CABYR: variants seen among roughly 807,000 people sequenced by gnomAD.
CABYR encodes calcium-binding tyrosine phosphorylation-regulated protein.
CABYR carries 31 observed loss-of-function variants against 36.1 expected under a neutral mutation model. That is an observed-to-expected ratio of 0.86 (90% confidence interval 0.64 to 1.16). The LOEUF is 1.16. Among genes scored for constraint, CABYR ranks in the 50% most tolerant of loss-of-function variants. The pLI is 0.00. For missense variants in CABYR, 429 were observed against 455.8 expected (o/e 0.94, Z 0.53); for synonymous variants, 146 against 160.7 (o/e 0.91, Z 0.69).
intron 3 of CABYR, among the ~76,000 whole-genome samples, chr18:24,145,603 T>C (rs2085440789): frequency 6.6e-6 from 1 of 152,188 alleles, no homozygotes; most frequent in African/African-American, 2.4e-5. Context: ...CCTTGGGTTT[T>C]TGTCCAACTC....
Position 24,159,903 on chromosome 18 carries a change from A to C in CABYR, c.973A>C (p.Arg325=), listed in dbSNP as rs139962200. The C allele has an allele frequency of 1.2e-6, 2 of 1,614,206 alleles. No individual in the cohort carries two copies. The highest frequency in any genetic ancestry group is 1.7e-6 in the Non-Finnish European group (2 of 1,180,032). ...TCCTCCAAGTGGACAAGATGTCCCC[A>C]GGCCAAAAAGCCCTGTTTTCCTTTC... is the stretch of plus-strand genomic sequence containing the variant. ...ANPPSGQDVP[R]PKSPVFLSVA... Residue 325 remains arginine, a synonymous_variant, in exon 5 of 6, where the codon AGG becomes CGG. Transcript: ENST00000399496.
In CABYR at chr18:24,159,523, C is replaced by T. The variant is rs752695725; in HGVS notation, c.593C>T (p.Thr198Ile). 8 of 1,613,928 alleles carry T rather than the reference C, an allele frequency of 5.0e-6. No individual in the cohort carries two copies. The South Asian group carries it at 7.7e-5, about 16-fold the overall frequency. The change falls in exon 5 of 6, where the codon ACC (threonine) becomes ATC (isoleucine). Residue 198 changes from threonine to isoleucine, a missense_variant. By Grantham distance (89) the Thr-to-Ile change is moderately conservative. Coordinates refer to ENST00000399496, the MANE Select transcript of CABYR (RefSeq NM_153769.3). ...GQPPPCSNMW[T>I]LYCLTDKNQQ... The stretch of plus-strand genomic sequence containing the variant: ...CCACCACCATGTTCTAACATGTGGA[C>T]CCTTTATTGTCTAACTGATAAGAAT...
intron 3 of CABYR, 46 bp downstream of exon 3, chr18:24,143,459 T>G: frequency 9.1e-7 from 1 of 1,095,602 alleles, no homozygotes; most frequent in Non-Finnish European, 1.3e-6. Flanking sequence ...TGTTTATTAA[T>G]TATTGCATCA....
chr18:24,147,215 T>G (rs1034659216), intron 3 of CABYR, among the ~76,000 whole-genome samples: 1 of 132,140 alleles, frequency 7.6e-6, no homozygotes, highest in Non-Finnish European at 1.5e-5. Flanking sequence ...ATCACACCAC[T>G]GCACTTCAGC....
chr18:24,151,391 T>TG (rs899335299), intron 3 of CABYR, among the ~76,000 whole-genome samples: 1 of 152,234 alleles, frequency 6.6e-6, no homozygotes, highest in Admixed American at 6.5e-5. Flanking sequence ...AAAGTCATAG[T>TG]GGGTTAATCT....
At chr18:24,149,168 C>T (rs1229505229) in intron 3 of CABYR, among the ~76,000 whole-genome samples, 3 of 151,160 alleles carry the variant, frequency 2.0e-5, no homozygotes, top group Admixed American at 6.6e-5. Flanking sequence ...TACAGAGTGT[C>T]GATTGGTGCA....
In CABYR at chr18:24,159,797, A is replaced by C. The variant is rs753346977; in HGVS notation, c.867A>C (p.Arg289Ser). The C allele has an allele frequency of 6.2e-7, 1 of 1,614,102 alleles. No homozygotes were observed. The highest frequency in any genetic ancestry group is 1.6e-4 in the Middle Eastern group (1 of 6,062). Residue 289 changes from arginine (R) to serine (S), a missense_variant, in exon 5 of 6, where the codon AGA becomes AGC. Physicochemically the swap from Arg to Ser is moderately radical, Grantham distance 110. Coordinates refer to ENST00000399496, the MANE Select transcript of CABYR (RefSeq NM_153769.3). The stretch of plus-strand genomic sequence containing the variant: ...TCGTTTCACAGTCAGATGTCTTGAG[A>C]TATGTTGCAATGCAAGTGCCCATTG... ...HAVVSQSDVL[R>S]YVAMQVPIAV... is the part of the protein sequence containing the mutation.
At chr18:24,139,989 G>T (rs907362699) in intron 1 of CABYR, 2 of 151,172 alleles carry the variant, frequency 1.3e-5, no homozygotes, top group African/African-American at 4.9e-5. Context: ...GAGTGCAGTG[G>T]CGCGATCTCG....
rs142414980 is a variant in CABYR, at chr18:24,157,674, T to C, written c.541+1632T>C. Among the ~76,000 whole-genome samples the C allele has an allele frequency of 2.6e-4, 39 of 152,336 alleles. 1 individual carries two copies. The East Asian group carries it at 4.8e-3, about 19-fold the overall frequency. ...ATGCAGTTCACGTAATTGGCTTCCT[T>C]TGATCAGCTCCCTCTTCCTGGCAAG... On this transcript the variant is annotated intron_variant, in intron 4 of 5. Transcript: ENST00000399496.
chr18:24,150,266 A>T (rs1701967608), intron 3 of CABYR, among the ~76,000 whole-genome samples: 1 of 152,236 alleles, frequency 6.6e-6, no homozygotes, highest in African/African-American at 2.4e-5. Context: ...GCAAAGGGGC[A>T]TGGCGTGGGA....
chr18:24,154,128 A>AT (rs2085711140), intron 3 of CABYR, among the ~76,000 whole-genome samples: 1 of 147,944 alleles, frequency 6.8e-6, no homozygotes, highest in Admixed American at 6.8e-5. Flanking sequence ...AAAAAAAAAA[A>AT]TTTTTCCCCT....
chr18:24,155,123 A>G (rs553756928), intron 3 of CABYR, among the ~76,000 whole-genome samples: 1 of 152,326 alleles, frequency 6.6e-6, no homozygotes, highest in South Asian at 2.1e-4. Flanking sequence ...CTAAATTACT[A>G]TACCAACAAA....
At chr18:24,149,779 A>T (rs1305355649) in intron 3 of CABYR, among the ~76,000 whole-genome samples, 1 of 152,210 alleles carries the variant, frequency 6.6e-6, no homozygotes, top group East Asian at 1.9e-4. Flanking sequence ...AGTACACCCT[A>T]TGCAGCCACT....
chr18:24,159,400 C>G, intron 4 of CABYR, 72 bp from the exon 5 acceptor site: 1 of 1,024,454 alleles, frequency 9.8e-7, no homozygotes, highest in East Asian at 2.4e-5. Context: ...AAGAGACTTA[C>G]AAAGACATTA....
At chr18:24,160,297 C>T (rs374310373) in intron 5 of CABYR, 9 of 506,786 alleles carry the variant, frequency 1.8e-5, no homozygotes, top group South Asian at 2.8e-5. Flanking sequence ...ATTTGATGCC[C>T]GATACATGAA....
intron 3 of CABYR, among the ~76,000 whole-genome samples, chr18:24,149,751 G>A (rs2085568152): frequency 6.6e-6 from 1 of 152,248 alleles, no homozygotes; most frequent in African/African-American, 2.4e-5. Context: ...CCGGTGGGCT[G>A]GCACTGCTGG....
At chr18:24,149,124 A>G (rs1410531338) in intron 3 of CABYR, among the ~76,000 whole-genome samples, 1 of 152,002 alleles carries the variant, frequency 6.6e-6, no homozygotes, top group Non-Finnish European at 1.5e-5. Context: ...GTGTGGACAC[A>G]AAGGTTCTCC....
chr18:24,160,651 C>T (rs2085940869), intron 5 of CABYR: 1 of 153,608 alleles, frequency 6.5e-6, no homozygotes, highest in African/African-American at 2.4e-5. Context: ...TAGCCCTCCT[C>T]CCCTATGTGT....
At position 24,143,279 on chromosome 18, in the gene CABYR, A is replaced by G. The variant is rs1213373271; in HGVS notation, c.145+20A>G. 1.1e-5 allele frequency: 17 copies of G among 1,602,522 alleles called. No individual in the cohort carries two copies. Among genetic ancestry groups the G allele is most frequent in the Non-Finnish European group, 1.4e-5 (17 of 1,175,888 alleles). ...ATAGAGGTTTGTTATTCCTTTATAT[A>G]TTTGCTGCTTTGAAAAAGAAAACAT... On this transcript the variant is annotated intron_variant, in intron 2 of 5. Coordinates refer to ENST00000399496, the MANE Select transcript of CABYR (RefSeq NM_153769.3).
Sources: allele counts gnomAD v4.1 joint callset (sites outside exome capture counted in the v4.1 genomes callset), GRCh38; gene constraint gnomAD v4.1.1; transcripts MANE v1.5; gene names NCBI Gene and HGNC (gene_info 2026-07-23, HGNC 2026-07-21).